The following UGT1A4 variants were observed in gnomAD, a reference collection of about 807,000 sequenced individuals.
UGT1A4 encodes UDP glucuronosyltransferase family 1 member A4.
In UGT1A4, 32 loss-of-function variants were observed where a neutral mutation model predicts 41.1. The ratio of observed to expected loss-of-function variants is 0.78; its 90% confidence interval spans 0.59 to 1.05. UGT1A4 has a LOEUF of 1.05. UGT1A4 is among the 50% of genes least tolerant of loss of function. UGT1A4 has a pLI of 0.00. For missense variants in UGT1A4, 748 were observed against 677.4 expected (o/e 1.10, Z -1.16); for synonymous variants, 283 against 265.1 (o/e 1.07, Z -0.66).
chr2:233,743,355 G>T, intron 1 of UGT1A4: 1 of 979,806 alleles, frequency 1.0e-6, no homozygotes, highest in South Asian at 1.3e-5. Context: ...ACATGGACTT[G>T]AAGCTGCCTG....
At position 233,731,325 on chromosome 2, in the gene UGT1A4, G is replaced by A. The variant is rs28898622; in HGVS notation, c.867+11638G>A. Among the ~76,000 whole-genome samples, 886 of 147,182 alleles carry A rather than the reference G, an allele frequency of 6.0e-3. 61 individuals carry two copies. In the East Asian group the frequency reaches 0.15, roughly 25 times the overall value. On this transcript the variant is annotated intron_variant, in intron 1 of 4. Transcript: ENST00000373409. The stretch of plus-strand genomic sequence containing the variant: ...TTATACTTTAAGTTCTAGGGTACAT[G>A]TGCACAAATTGCAGGTTTGATACAT...
chr2:233,755,109 T>C, intron 1 of UGT1A4: 1 of 1,333,450 alleles, frequency 7.5e-7, no homozygotes, highest in Non-Finnish European at 1.0e-6. Flanking sequence ...CGACAACACC[T>C]CGTAGGCCTC....
At position 233,768,358 on chromosome 2, in the gene UGT1A4, G is replaced by A. The variant is rs770254031; in HGVS notation, c.1226G>A (p.Gly409Glu). Reference sequence around the variant, plus strand: ...AATGCAAAGCGCATGGAGACTAAGGGAGCTGGAGTGACCCTGAATGTTCTG... The same window carrying A: ...AATGCAAAGCGCATGGAGACTAAGGAAGCTGGAGTGACCCTGAATGTTCTG... ...MDNAKRMETK[G>E]AGVTLNVLEM... The change falls in exon 4 of 5, where the codon GGA becomes GAA. Residue 409 changes from glycine to glutamate, a missense_variant. Coordinates refer to ENST00000373409, the MANE Select transcript of UGT1A4 (RefSeq NM_007120.3). 8.7e-6 allele frequency: 14 copies of A among 1,614,148 alleles called. No individual in the cohort carries two copies. Among genetic ancestry groups the A allele is most frequent in the Non-Finnish European group, 7.6e-6 (9 of 1,180,042 alleles).
intron 1 of UGT1A4, among the ~76,000 whole-genome samples, chr2:233,731,442 C>T (rs375687165): frequency 6.6e-6 from 1 of 152,134 alleles, no homozygotes; most frequent in Non-Finnish European, 1.5e-5. Flanking sequence ...CCCAGTCCCC[C>T]ACCCCACAAC....
Position 233,767,956 on chromosome 2 carries a change from T to A in UGT1A4, c.1087+20T>A. 6.2e-7 allele frequency: 1 copy of A among 1,614,192 alleles called. No individual in the cohort carries two copies. Among genetic ancestry groups the A allele is most frequent in the Non-Finnish European group, 8.5e-7 (1 of 1,180,026 alleles). ...TGCTTGGTATGTTGGGCGGATTGGATGTATAGGTCAAACCAGGGTCAAATT... is the reference window on the plus strand; with the variant it reads ...TGCTTGGTATGTTGGGCGGATTGGAAGTATAGGTCAAACCAGGGTCAAATT... On this transcript the variant is annotated intron_variant, in intron 3 of 4. Transcript: ENST00000373409.
At chr2:233,727,361 G>A (rs2077609181) in intron 1 of UGT1A4, among the ~76,000 whole-genome samples, 1 of 152,128 alleles carries the variant, frequency 6.6e-6, no homozygotes, top group Admixed American at 6.5e-5. Flanking sequence ...TATCCTTAGG[G>A]CCCCTAGGTC....
Position 233,722,490 on chromosome 2 carries a change from A to G in UGT1A4, c.867+2803A>G, listed in dbSNP as rs147045039. Among the ~76,000 whole-genome samples the G allele has an allele frequency of 2.3e-3, 357 of 152,016 alleles. 2 individuals are homozygous for G. Among genetic ancestry groups the G allele is most frequent in the East Asian group, 0.02 (103 of 5,174 alleles). ...ATTTGTATATTCTTTTCACTGTTTC[A>G]TTTTCCGTTTCGTTAATTGCAGCTT... On this transcript the variant is annotated intron_variant, in intron 1 of 4. Coordinates refer to ENST00000373409, the MANE Select transcript of UGT1A4 (RefSeq NM_007120.3).
rs544468002 is a variant in UGT1A4 at position 233,756,533 on chromosome 2, C to G, written c.868-10501C>G. Among the ~76,000 whole-genome samples, 22 of 152,166 alleles carry G rather than the reference C, an allele frequency of 1.4e-4. 2 individuals carry two copies. The South Asian group carries it at 3.5e-3, about 24-fold the overall frequency. ...TCAAATGTGCATGTTATTCACTTTT[C>G]TTGACTGCTAAAACAACCAGGGAGA... On this transcript the variant is annotated intron_variant, in intron 1 of 4. Coordinates refer to ENST00000373409, the MANE Select transcript of UGT1A4 (RefSeq NM_007120.3).
In UGT1A4 at chr2:233,719,549, G is replaced by A. The variant is rs1246410052; in HGVS notation, c.729G>A (p.Val243=). ...CCTCTGAGCTTTTTCAGAGAGAGGT[G>A]TCAGTGGTGGATCTTGTCAGCTATG... is the stretch of plus-strand genomic sequence containing the variant. The part of the protein sequence containing the change: ...SLASELFQRE[V]SVVDLVSYAS... Residue 243 remains valine, a synonymous_variant, in exon 1 of 5, where the codon GTG becomes GTA. Transcript: ENST00000373409. 1 of 1,613,938 alleles carries A rather than the reference G, an allele frequency of 6.2e-7. No homozygotes were observed. The highest frequency in any genetic ancestry group is 1.3e-5 in the African/African-American group (1 of 75,024).
chr2:233,757,535 AATATATATAT>A (rs67292694), intron 1 of UGT1A4, among the ~76,000 whole-genome samples: 5,616 of 88,332 alleles, frequency 0.064, 477 homozygotes, highest in Non-Finnish European at 0.086. Context: ...GCCTGTAAGG[AATATATATAT>A]ATATATATAT....
intron 1 of UGT1A4, among the ~76,000 whole-genome samples, chr2:233,764,353 CCTCATAGTAGCTGG>C (rs1280586461): frequency 1.6e-4 from 25 of 152,240 alleles, no homozygotes; most frequent in Non-Finnish European, 2.8e-4. Context: ...CTTTATTGAG[CCTCATAGTAGCTGG>C]CTCAGGTAGG....
chr2:233,762,113 A>C (rs1697972454), intron 1 of UGT1A4, among the ~76,000 whole-genome samples: 1 of 152,166 alleles, frequency 6.6e-6, no homozygotes, highest in Non-Finnish European at 1.5e-5. Flanking sequence ...TCCGCTTCAC[A>C]TCATGAGCCA....
chr2:233,745,242 T>C (rs1693050473), intron 1 of UGT1A4, among the ~76,000 whole-genome samples: 11 of 151,840 alleles, frequency 7.2e-5, no homozygotes, highest in Admixed American at 7.2e-4. Context: ...CTATTTACTG[T>C]ATCGAAACCA....
At chr2:233,746,286 G>A (rs1374817332) in intron 1 of UGT1A4, among the ~76,000 whole-genome samples, 1 of 151,716 alleles carries the variant, frequency 6.6e-6, no homozygotes, top group Non-Finnish European at 1.5e-5. Context: ...TTCAAGGAAG[G>A]TGGCTTTGTT....
rs568508589 is a variant in UGT1A4, at chr2:233,772,293, C to T, written c.1339C>T (p.Leu447Phe). ...YKENIMRLSS[L>F]HKDRPVEPLD... Reference sequence around the variant, plus strand: ...GGAGAACATCATGCGCCTCTCCAGCCTTCACAAGGACCGCCCGGTGGAGCC... The same window carrying T: ...GGAGAACATCATGCGCCTCTCCAGCTTTCACAAGGACCGCCCGGTGGAGCC... The change falls in exon 5 of 5, where the codon CTT becomes TTT. Residue 447 changes from leucine (L) to phenylalanine (F), a missense_variant. Transcript: ENST00000373409. 1.2e-6 allele frequency: 2 copies of T among 1,614,258 alleles called. No homozygotes were observed. Among genetic ancestry groups the T allele is most frequent in the Non-Finnish European group, 1.7e-6 (2 of 1,180,050 alleles).
At chr2:233,732,848 A>G (rs1171011908) in intron 1 of UGT1A4, among the ~76,000 whole-genome samples, 1 of 145,490 alleles carries the variant, frequency 6.9e-6, no homozygotes, top group African/African-American at 2.6e-5. Context: ...CAATTTTGTG[A>G]AGTCATTGGT....
rs185333824 is a variant in UGT1A4, at chr2:233,753,128, G to A, written c.868-13906G>A. 3.3e-4 allele frequency: 50 copies of A among 152,262 alleles called. No individual in the cohort carries two copies. The East Asian group carries it at 8.9e-3, about 27-fold the overall frequency. 9.4% of individuals were successfully genotyped at this position (152,262 alleles called of 1,614,324 possible). A position where few individuals can be genotyped will look rare whatever the true frequency, so the allele number is the denominator to read the frequency against. On this transcript the variant is annotated intron_variant, in intron 1 of 4. Transcript: ENST00000373409. ...AAACCCATCCCCAGCAAACTACTCA[G>A]TGAGTATCTTCACACATGTAAGTTC...
At chr2:233,770,330 A>G (rs757778787) in intron 4 of UGT1A4, 1 of 152,126 alleles carries the variant, frequency 6.6e-6, no homozygotes, top group East Asian at 1.9e-4. Flanking sequence ...ACCAGGCCAT[A>G]ATAGGTGCTC....
At chr2:233,728,231 G>A (rs1452925850) in intron 1 of UGT1A4, among the ~76,000 whole-genome samples, 2 of 152,110 alleles carry the variant, frequency 1.3e-5, no homozygotes, top group Admixed American at 6.5e-5. Context: ...TAATCTTCAG[G>A]ATGAAATAAA....
Sources: allele counts gnomAD v4.1 joint callset (sites outside exome capture counted in the v4.1 genomes callset), GRCh38; gene constraint gnomAD v4.1.1; transcripts MANE v1.5; gene names NCBI Gene and HGNC (gene_info 2026-07-23, HGNC 2026-07-21).